Variants in NETO1 observed in about 807,000 individuals in gnomAD.
NETO1 encodes neuropilin and tolloid-like protein 1.
NETO1 carries 26 observed loss-of-function variants against 61.3 expected under a neutral mutation model. The observed-to-expected ratio is 0.42, with a 90% CI of 0.31 to 0.59. NETO1 has a LOEUF of 0.59. NETO1 is among the 20% of genes least tolerant of loss of function. The pLI is 0.12. For missense variants in NETO1, 531 were observed against 662.8 expected (o/e 0.80, Z 2.18); for synonymous variants, 225 against 225.8 (o/e 1.00, Z 0.03).
intron 4 of NETO1, chr18:72,853,526 G>C (rs1404744744): frequency 6.6e-6 from 1 of 152,134 alleles, no homozygotes; most frequent in Non-Finnish European, 1.5e-5. Flanking sequence ...GGGGGGCTGA[G>C]GTGGGCGGAT....
intron 4 of NETO1, among the ~76,000 whole-genome samples, chr18:72,831,760 A>G (rs2073587147): frequency 6.6e-6 from 1 of 152,078 alleles, no homozygotes; most frequent in Non-Finnish European, 1.5e-5. Context: ...CATATTCCTC[A>G]TTACGTTTCT....
At chr18:72,854,685 A>G (rs1215459954) in intron 4 of NETO1, among the ~76,000 whole-genome samples, 3 of 151,996 alleles carry the variant, frequency 2.0e-5, no homozygotes, top group African/African-American at 7.3e-5. Context: ...AGGCATTCTT[A>G]GTTTGAGTAA....
rs536512448 is a variant in NETO1, at chr18:72,782,796, C to A, written c.868+882G>T. Among the ~76,000 whole-genome samples, 7 of 152,104 alleles carry A rather than the reference C, an allele frequency of 4.6e-5. No individual in the cohort carries two copies. The East Asian group carries it at 1.4e-3, about 29-fold the overall frequency. On this transcript the variant is annotated intron_variant, in intron 7 of 10. Coordinates refer to ENST00000327305, the MANE Select transcript of NETO1 (RefSeq NM_138966.5). ...TCCAGCCTGGGCAACAAGAGCAAAA[C>A]TCCATCTCAAAAAAAAATAATAATA...
chr18:72,813,159 T>C (rs976274723), intron 4 of NETO1, among the ~76,000 whole-genome samples: 1 of 152,166 alleles, frequency 6.6e-6, no homozygotes, highest in African/African-American at 2.4e-5. Flanking sequence ...GCCTTGCTGT[T>C]GAGCAGAGTG....
chr18:72,798,915 T>C (rs1289340778), intron 4 of NETO1, among the ~76,000 whole-genome samples: 1 of 152,190 alleles, frequency 6.6e-6, no homozygotes, highest in Non-Finnish European at 1.5e-5. Context: ...AAGGAAGTCA[T>C]GAAACCAACA....
At chr18:72,804,850 A>G (rs2072623027) in intron 4 of NETO1, among the ~76,000 whole-genome samples, 1 of 152,170 alleles carries the variant, frequency 6.6e-6, no homozygotes, top group African/African-American at 2.4e-5. Flanking sequence ...AATTTCCACA[A>G]TCTCAGACAT....
At chr18:72,797,945 C>T (rs941647002) in intron 4 of NETO1, among the ~76,000 whole-genome samples, 37 of 152,304 alleles carry the variant, frequency 2.4e-4, no homozygotes, top group South Asian at 4.1e-4. Flanking sequence ...TTCTCAGAAA[C>T]GCCTTCCTTG....
At chr18:72,753,455 C>T (rs1459482839) in intron 8 of NETO1, among the ~76,000 whole-genome samples, 2 of 152,174 alleles carry the variant, frequency 1.3e-5, no homozygotes, top group Non-Finnish European at 1.5e-5. Flanking sequence ...ATCCAGCAAA[C>T]CTGCCTTCAC....
chr18:72,755,982 C>T lies in NETO1; in HGVS notation c.982+52G>A, dbSNP rs1001032405. The T allele has an allele frequency of 2.4e-5, 22 of 907,942 alleles. No individual in the cohort carries two copies. The East Asian group carries it at 4.8e-4, about 20-fold the overall frequency. 56.2% of individuals were successfully genotyped at this position (907,942 alleles called of 1,614,324 possible). On this transcript the variant is annotated intron_variant, in intron 8 of 10. Transcript: ENST00000327305. ...TCTGATTGATACATATAAACTTCTA[C>T]CCCACTCCACAGGGAGGAAATTTTT...
chr18:72,844,585 T>TA (rs1373062690), intron 4 of NETO1, among the ~76,000 whole-genome samples: 1 of 152,250 alleles, frequency 6.6e-6, no homozygotes, highest in African/African-American at 2.4e-5. Flanking sequence ...GTCTACCAGA[T>TA]ACGCATGAAC....
intron 4 of NETO1, among the ~76,000 whole-genome samples, chr18:72,801,612 C>T (rs966040431): frequency 6.6e-6 from 1 of 152,134 alleles, no homozygotes; most frequent in African/African-American, 2.4e-5. Context: ...TTAATACAAT[C>T]CCAGTAACCC....
At chr18:72,840,897 G>A (rs1777587972) in intron 4 of NETO1, among the ~76,000 whole-genome samples, 1 of 152,174 alleles carries the variant, frequency 6.6e-6, no homozygotes, top group African/African-American at 2.4e-5. Flanking sequence ...ATAGTTAAAT[G>A]TAAGGCTGTT....
Position 72,769,563 on chromosome 18 carries a change from A to G in NETO1, c.869-13416T>C, listed in dbSNP as rs1832039923. Among the ~76,000 whole-genome samples, 5 of 152,192 alleles carry G rather than the reference A, an allele frequency of 3.3e-5. No homozygotes were observed. The South Asian group carries it at 1.0e-3, about 31-fold the overall frequency. ...TTTGTTGCTTTGTAAAAAAGTGTTT[A>G]CCAAACCAGTACATATTTATTTTAG... On this transcript the variant is annotated intron_variant, in intron 7 of 10. Transcript: ENST00000327305.
At chr18:72,768,417 T>A (rs1402470298) in intron 7 of NETO1, among the ~76,000 whole-genome samples, 1 of 152,122 alleles carries the variant, frequency 6.6e-6, no homozygotes, top group Non-Finnish European at 1.5e-5. Context: ...AGAATTTCAG[T>A]CAAAGACCCC....
intron 4 of NETO1, among the ~76,000 whole-genome samples, chr18:72,823,754 A>T (rs2073285799): frequency 6.6e-6 from 1 of 152,206 alleles, no homozygotes; most frequent in African/African-American, 2.4e-5. Flanking sequence ...AGAATATAAA[A>T]TTCACATGCT....
At chr18:72,781,542 A>G (rs1316389307) in intron 7 of NETO1, among the ~76,000 whole-genome samples, 1 of 152,200 alleles carries the variant, frequency 6.6e-6, no homozygotes, top group Non-Finnish European at 1.5e-5. Flanking sequence ...AAGCTGGGAG[A>G]GATGTTTGAC....
chr18:72,780,702 G>A (rs545471860), intron 7 of NETO1, among the ~76,000 whole-genome samples: 53 of 152,106 alleles, frequency 3.5e-4, no homozygotes, highest in Admixed American at 9.2e-4. Context: ...CCTAAATTGC[G>A]CTCAAAAGTT....
At chr18:72,850,937 C>G (rs949040749) in intron 4 of NETO1, among the ~76,000 whole-genome samples, 7 of 152,166 alleles carry the variant, frequency 4.6e-5, no homozygotes, top group African/African-American at 1.7e-4. Context: ...GGATGGAGCC[C>G]TGCTCTGGGG....
chr18:72,791,057 T>A (rs2072098719), intron 6 of NETO1, among the ~76,000 whole-genome samples: 1 of 152,154 alleles, frequency 6.6e-6, no homozygotes, highest in African/African-American at 2.4e-5. Context: ...CTGACTCAGT[T>A]TATTCATCTT....
Sources: gnomAD v4.1 joint callset for allele counts (sites outside exome capture counted in the v4.1 genomes callset) on GRCh38, gnomAD v4.1.1 for gene constraint, MANE v1.5 for transcripts, NCBI Gene and HGNC (gene_info 2026-07-23, HGNC 2026-07-21) for gene names.